TMEM178B: variants seen among roughly 807,000 people sequenced by gnomAD.
The protein encoded by TMEM178B is transmembrane protein 178B.
In TMEM178B, 5 loss-of-function variants were observed where a neutral mutation model predicts 31.0. The observed-to-expected ratio is 0.16, with a 90% CI of 0.08 to 0.34. The LOEUF (loss-of-function observed/expected upper bound fraction) is 0.34, where lower values mean the gene tolerates loss of function less well. TMEM178B is among the 10% of genes least tolerant of loss of function. The pLI is 1.00. For synonymous variants in TMEM178B, 164 were observed against 164.0 expected (o/e 1.00, Z 0.00); for missense variants, 275 against 400.3 (o/e 0.69, Z 2.67).
At chr7:141,483,821 C>T (rs1440646986), downstream of TMEM178B, among the ~76,000 whole-genome samples, 1 of 151,818 alleles carries the variant, frequency 6.6e-6, no homozygotes, top group Non-Finnish European at 1.5e-5. Flanking sequence ...CTGCAAGCTC[C>T]GCCTCCCGAG....
chr7:141,314,262 A>G (rs1029593937), intron 2 of TMEM178B, among the ~76,000 whole-genome samples: 2 of 152,228 alleles, frequency 1.3e-5, no homozygotes, highest in South Asian at 4.1e-4. Flanking sequence ...GACAGGTTTC[A>G]GGCCTCTCAC....
chr7:141,508,981 G>T, the TMEM178B span, among the ~76,000 whole-genome samples: 4 of 152,324 alleles, frequency 2.6e-5, no homozygotes, highest in South Asian at 6.2e-4. Context: ...AGCTCGTGAG[G>T]TATTTTGCAT....
chr7:141,414,075 ATTTTTTTTT>A (rs1179943997), intron 2 of TMEM178B, among the ~76,000 whole-genome samples: 2 of 58,348 alleles, frequency 3.4e-5, no homozygotes, highest in African/African-American at 1.1e-4. Context: ...CAAAAACATC[ATTTTTTTTT>A]TTTTTTTTTT....
the TMEM178B span, among the ~76,000 whole-genome samples, chr7:141,502,663 G>A: frequency 3.9e-5 from 6 of 152,046 alleles, no homozygotes; most frequent in Admixed American, 6.6e-5. Flanking sequence ...CCAGCTATTC[G>A]GGAGGCTGAG....
intron 2 of TMEM178B, among the ~76,000 whole-genome samples, chr7:141,321,834 A>T (rs528342742): frequency 1.4e-3 from 213 of 152,006 alleles, no homozygotes; most frequent in Non-Finnish European, 2.3e-3. Flanking sequence ...ATTAAAAAAA[A>T]AAAAGCTCTC....
intron 1 of TMEM178B, among the ~76,000 whole-genome samples, chr7:141,188,710 A>G (rs1019285941): frequency 2.0e-5 from 3 of 152,236 alleles, no homozygotes; most frequent in Non-Finnish European, 2.9e-5. Flanking sequence ...TAAGACAGTC[A>G]TTTGAGAGCT....
At chr7:141,427,479 T>G (rs1292718612) in intron 2 of TMEM178B, among the ~76,000 whole-genome samples, 3 of 152,172 alleles carry the variant, frequency 2.0e-5, no homozygotes, top group Admixed American at 6.5e-5. Flanking sequence ...CAGTAAATGG[T>G]GTTGGGAAAA....
At chr7:141,337,755 G>A (rs975723012) in intron 2 of TMEM178B, among the ~76,000 whole-genome samples, 3 of 152,126 alleles carry the variant, frequency 2.0e-5, no homozygotes, top group Non-Finnish European at 4.4e-5. Context: ...GGCCCATGGG[G>A]CTCTTATAAA....
At chr7:141,110,214 T>C (rs1795212500) in intron 1 of TMEM178B, among the ~76,000 whole-genome samples, 1 of 152,254 alleles carries the variant, frequency 6.6e-6, no homozygotes, top group African/African-American at 2.4e-5. Context: ...AAGTCTATTA[T>C]GTATCAAATG....
intron 1 of TMEM178B, among the ~76,000 whole-genome samples, chr7:141,138,854 C>G (rs1039562857): frequency 6.6e-6 from 1 of 151,728 alleles, no homozygotes; most frequent in Non-Finnish European, 1.5e-5. Context: ...TGTGGTGGCA[C>G]GTGCCTGTAA....
At chr7:141,231,956 C>G (rs752777863) in intron 2 of TMEM178B, among the ~76,000 whole-genome samples, 3 of 152,162 alleles carry the variant, frequency 2.0e-5, no homozygotes, top group Non-Finnish European at 4.4e-5. Flanking sequence ...CTGTCCCTCC[C>G]CTTGCCACCC....
intron 2 of TMEM178B, among the ~76,000 whole-genome samples, chr7:141,377,820 A>G (rs1800245682): frequency 6.6e-6 from 1 of 152,208 alleles, no homozygotes; most frequent in African/African-American, 2.4e-5. Flanking sequence ...GAGTTATTTT[A>G]GATTTACAGA....
At chr7:141,209,462 C>T (rs183493689) in intron 1 of TMEM178B, among the ~76,000 whole-genome samples, 14 of 152,318 alleles carry the variant, frequency 9.2e-5, no homozygotes, top group African/African-American at 3.1e-4. Context: ...GTAATAAAAG[C>T]GGTTGGATTC....
intron 1 of TMEM178B, among the ~76,000 whole-genome samples, chr7:141,200,418 G>T (rs887924479): frequency 6.6e-6 from 1 of 151,824 alleles, no homozygotes; most frequent in Non-Finnish European, 1.5e-5. Context: ...TCCTGGTTGC[G>T]GGGGGAGACA....
rs182791100 is a variant in TMEM178B at position 141,371,308 on chromosome 7, C to A, written c.497-66300C>A. 6.7e-4 allele frequency among the ~76,000 whole-genome samples: 101 copies of A among 151,332 alleles called. 1 individual carries two copies. The highest frequency in any genetic ancestry group is 1.6e-4 in the Non-Finnish European group (11 of 67,830). ...TAGAGCTGGTTGGTAAAAAAAAAAG[C>A]CTGATACCTCCCCACCTCTCTTTCT... is the stretch of plus-strand genomic sequence containing the variant. On this transcript the variant is annotated intron_variant, in intron 2 of 3. Transcript: ENST00000565468.
At chr7:141,101,269 A>G (rs1038944558) in intron 1 of TMEM178B, among the ~76,000 whole-genome samples, 6 of 152,228 alleles carry the variant, frequency 3.9e-5, no homozygotes, top group Non-Finnish European at 7.3e-5. Context: ...CTCTTGATTA[A>G]TTAATTTATG....
the TMEM178B span, among the ~76,000 whole-genome samples, chr7:141,507,184 C>G: frequency 6.6e-6 from 1 of 152,300 alleles, no homozygotes; most frequent in Admixed American, 6.5e-5. Flanking sequence ...GTCTGGAGAA[C>G]AGTGGCCCTC....
At chr7:141,365,054 A>G (rs935432300) in intron 2 of TMEM178B, among the ~76,000 whole-genome samples, 1 of 152,264 alleles carries the variant, frequency 6.6e-6, no homozygotes, top group African/African-American at 2.4e-5. Context: ...GCCTAGTGAT[A>G]GTGGCAAAGA....
In TMEM178B at chr7:141,470,670, G is replaced by C; in HGVS notation, c.769G>C (p.Gly257Arg). ...GYGWSMFCAWGGLGLTLISGF... is the reference protein window; with the variant it reads ...GYGWSMFCAWRGLGLTLISGF... The stretch of plus-strand genomic sequence containing the variant: ...TGGCTGGTCCATGTTCTGTGCATGG[G>C]GGGGCCTGGGCCTCACACTCATCTC... Residue 257 changes from glycine to arginine, a missense_variant, in exon 4 of 4, where the codon GGG becomes CGG. Transcript: ENST00000565468. 2 of 1,535,750 alleles carry C rather than the reference G, an allele frequency of 1.3e-6. No individual in the cohort carries two copies. Among genetic ancestry groups the C allele is most frequent in the Non-Finnish European group, 1.7e-6 (2 of 1,146,824 alleles).
Sources: gnomAD v4.1 joint callset for allele counts (sites outside exome capture counted in the v4.1 genomes callset) on GRCh38, gnomAD v4.1.1 for gene constraint, MANE v1.5 for transcripts, NCBI Gene and HGNC (gene_info 2026-07-23, HGNC 2026-07-21) for gene names.